Variants in RIC3 observed in about 807,000 individuals in gnomAD.
RIC3 encodes RIC3 acetylcholine receptor chaperone, also known as protein RIC-3.
Under a neutral mutation model 27.3 loss-of-function variants are expected in RIC3, and 28 were observed. The observed-to-expected ratio is 1.02, with a 90% confidence interval of 0.76 to 1.41. The LOEUF is 1.41. Among genes scored for constraint, RIC3 ranks in the 40% most tolerant of loss-of-function variants. RIC3 has a pLI of 0.00. For missense variants in RIC3, 501 were observed against 444.7 expected (o/e 1.13, Z -1.14); for synonymous variants, 184 against 160.4 (o/e 1.15, Z -1.11).
At chr11:8,150,904 C>T (rs1292918060) in intron 1 of RIC3, among the ~76,000 whole-genome samples, 1 of 152,132 alleles carries the variant, frequency 6.6e-6, no homozygotes, top group Non-Finnish European at 1.5e-5. Context: ...GTCATCCAGT[C>T]TTAATAAGTG....
chr11:8,123,984 T>A lies in RIC3; in HGVS notation c.670+2675A>T, dbSNP rs114334979. Among the ~76,000 whole-genome samples, 1,352 of 142,372 alleles carry A rather than the reference T, an allele frequency of 9.5e-3. 23 individuals are homozygous for A. Among genetic ancestry groups the A allele is most frequent in the African/African-American group, 0.033 (1,297 of 38,748 alleles). The allele number at this position is 142,372 out of a possible 152,430, so 93.4% of individuals were successfully genotyped here. A position where few individuals can be genotyped will look rare whatever the true frequency, so the allele number is the denominator to read the frequency against. On this transcript the variant is annotated intron_variant, in intron 5 of 5. Coordinates refer to ENST00000309737, the MANE Select transcript of RIC3 (RefSeq NM_001206671.4). ...AGCTACTGAGGCTGAGGTGGGAGGG[T>A]TGCTTGAGCCCAGGAGATCAAACAG...
At chr11:8,097,182 T>G in the RIC3 span, 1 of 1,603,942 alleles carries the variant, frequency 6.2e-7, no homozygotes, top group Non-Finnish European at 8.5e-7. Flanking sequence ...CAATTTGGGC[T>G]GCTTAGGGTC....
chr11:8,137,737 T>C (rs547558461), intron 3 of RIC3, among the ~76,000 whole-genome samples: 13 of 147,582 alleles, frequency 8.8e-5, no homozygotes, highest in Middle Eastern at 3.7e-3. Context: ...TTTCCTGCAA[T>C]GCTTTTGCCA....
chr11:8,110,222 A>C lies in RIC3; in HGVS notation c.*476T>G, dbSNP rs913294553. The C allele has an allele frequency of 1.8e-5, 4 of 228,260 alleles. No homozygotes were observed. The highest frequency in any genetic ancestry group is 9.1e-5 in the African/African-American group (4 of 43,808). The allele number at this position is 228,260 out of a possible 1,614,324, so 14.1% of individuals were successfully genotyped here. A position where few individuals can be genotyped will look rare whatever the true frequency, so the allele number is the denominator to read the frequency against. ...TGGGCCCATTAGCCCCACAAACAAAATGTTCTCTTCTCACCAGGGGACTAC... is the reference window on the plus strand; with the variant it reads ...TGGGCCCATTAGCCCCACAAACAAACTGTTCTCTTCTCACCAGGGGACTAC... On this transcript the variant is annotated 3_prime_UTR_variant, in exon 6 of 6. Coordinates refer to ENST00000309737, the MANE Select transcript of RIC3 (RefSeq NM_001206671.4).
rs1944687854 is a variant in RIC3 at position 8,106,592 on chromosome 11, A to T, written c.*4106T>A. On this transcript the variant is annotated 3_prime_UTR_variant, in exon 6 of 6. Transcript: ENST00000309737. ...GGCCTTAGGAAGAGAACAGGGCTGT[A>T]GAGATGAAAAAGGTATAAAAGACCC... 6.6e-6 allele frequency: 1 copy of T among 152,300 alleles called. No homozygotes were observed. Among genetic ancestry groups the T allele is most frequent in the South Asian group, 2.1e-4 (1 of 4,836 alleles). The allele number at this position is 152,300 out of a possible 1,614,324, so 9.4% of individuals were successfully genotyped here.
chr11:8,097,185 T>C, the RIC3 span: 10 of 1,608,622 alleles, frequency 6.2e-6, no homozygotes, highest in Non-Finnish European at 8.5e-6. Context: ...TTTGGGCTGC[T>C]TAGGGTCCTT....
chr11:8,155,099 T>C (rs1487176531), intron 1 of RIC3, among the ~76,000 whole-genome samples: 1 of 151,734 alleles, frequency 6.6e-6, no homozygotes, highest in Non-Finnish European at 1.5e-5. Context: ...CATGCACCTG[T>C]AGTCCCAGCT....
chr11:8,126,317 C>T (rs887146484), intron 5 of RIC3, among the ~76,000 whole-genome samples: 2 of 152,140 alleles, frequency 1.3e-5, no homozygotes, highest in South Asian at 4.2e-4. Context: ...AAAAGTATTA[C>T]GCTAAATCAA....
chr11:8,130,445 G>A (rs192582397), intron 4 of RIC3, among the ~76,000 whole-genome samples: 1 of 152,290 alleles, frequency 6.6e-6, no homozygotes, highest in African/African-American at 2.4e-5. Context: ...ATGTTCAGCT[G>A]TTCCTTTGAT....
chr11:8,122,210 C>G (rs950114106), intron 5 of RIC3, among the ~76,000 whole-genome samples: 3 of 152,142 alleles, frequency 2.0e-5, no homozygotes, highest in Non-Finnish European at 4.4e-5. Flanking sequence ...CACAAGGACC[C>G]CTTATGTTGC....
chr11:8,101,201 G>A (rs1944285098), downstream of RIC3, among the ~76,000 whole-genome samples: 1 of 152,208 alleles, frequency 6.6e-6, no homozygotes, highest in South Asian at 2.1e-4. Flanking sequence ...CCTAGATTCT[G>A]TGTATTCAAC....
At chr11:8,157,068 G>T (rs1227514385) in intron 1 of RIC3, among the ~76,000 whole-genome samples, 1 of 152,010 alleles carries the variant, frequency 6.6e-6, no homozygotes. Context: ...GATAAGTTGT[G>T]GTGTTCTCCT....
At chr11:8,158,289 G>C (rs1950853718) in intron 1 of RIC3, among the ~76,000 whole-genome samples, 1 of 152,146 alleles carries the variant, frequency 6.6e-6, no homozygotes, top group African/African-American at 2.4e-5. Flanking sequence ...CTATTCCACA[G>C]GAACAGGGCC....
chr11:8,097,859 T>G, the RIC3 span: 3 of 1,564,110 alleles, frequency 1.9e-6, no homozygotes, highest in African/African-American at 2.8e-5. Flanking sequence ...CAGGCGGGAG[T>G]GGGAGGGAGG....
chr11:8,123,136 A>T (rs1368358947), intron 5 of RIC3, among the ~76,000 whole-genome samples: 1 of 152,124 alleles, frequency 6.6e-6, no homozygotes, highest in African/African-American at 2.4e-5. Context: ...GTAGAAGAAG[A>T]CATCAATAAA....
At chr11:8,100,286 G>A in the RIC3 span, among the ~76,000 whole-genome samples, 680 of 152,274 alleles carry the variant, frequency 4.5e-3, 16 homozygotes, top group Admixed American at 0.04. Flanking sequence ...CAGCATTGCC[G>A]TGAGCAGAAG....
chr11:8,094,092 C>T, the RIC3 span: 2 of 1,614,162 alleles, frequency 1.2e-6, no homozygotes, highest in Non-Finnish European at 1.7e-6. Context: ...GAGCCACGCG[C>T]CCAACAGCAC....
At chr11:8,163,621 TA>T (rs1951402133) in intron 1 of RIC3, among the ~76,000 whole-genome samples, 1 of 152,042 alleles carries the variant, frequency 6.6e-6, no homozygotes, top group Non-Finnish European at 1.5e-5. Context: ...TCAAAAAGAA[TA>T]AAATACTTAT....
intron 1 of RIC3, among the ~76,000 whole-genome samples, chr11:8,155,374 A>G (rs1422354346): frequency 2.0e-5 from 3 of 152,066 alleles, no homozygotes; most frequent in Non-Finnish European, 4.4e-5. Context: ...TCAGGGGTTC[A>G]AGACCAGCTT....
Sources: gnomAD v4.1 joint callset for allele counts (sites outside exome capture counted in the v4.1 genomes callset) on GRCh38, gnomAD v4.1.1 for gene constraint, MANE v1.5 for transcripts, NCBI Gene and HGNC (gene_info 2026-07-23, HGNC 2026-07-21) for gene names.